The following PKHD1 variants were observed in gnomAD, a reference collection of about 807,000 sequenced individuals.
PKHD1 encodes the protein PKHD1 ciliary IPT domain containing fibrocystin/polyductin.
PKHD1 carries 291 observed loss-of-function variants against 412.0 expected under a neutral mutation model. That is an observed-to-expected ratio of 0.71 (90% CI 0.64 to 0.78). PKHD1 has a LOEUF of 0.78. PKHD1 is among the 30% of genes least tolerant of loss of function. PKHD1 has a pLI of 0.00. For synonymous variants in PKHD1, 1,777 were observed against 1,821.5 expected, an observed-to-expected ratio of 0.98 and a Z score of 0.62; for missense variants, 4,825 against 4,950.7, an observed-to-expected ratio of 0.97 and a Z score of 0.76.
chr6:51,696,268 T>C (rs1393362532), intron 60 of PKHD1, among the ~76,000 whole-genome samples: 8 of 152,280 alleles, frequency 5.3e-5, no homozygotes, highest in African/African-American at 9.6e-5. Flanking sequence ...TTGGAAGTGA[T>C]GGGCAGACAC....
chr6:51,941,497 C>T (rs1315536962), intron 36 of PKHD1, among the ~76,000 whole-genome samples: 2 of 150,656 alleles, frequency 1.3e-5, no homozygotes, highest in African/African-American at 2.4e-5. Context: ...CCTCATGATC[C>T]ACCCGCCTCG....
chr6:51,658,984 T>G lies in PKHD1; in HGVS notation c.11142A>C (p.Leu3714=). The part of the protein sequence containing the change: ...NVLNMTIGAL[L]VTQSKGVIGY... ...CAATGACTCCCTTTGACTGAGTAAC[T>G]AGTAAGGCCCCGATAGTCATATTCA... The change falls in exon 61 of 67, where the codon CTA becomes CTC. Residue 3714 remains leucine, a synonymous_variant. Transcript: ENST00000371117. 6.2e-7 allele frequency: 1 copy of G among 1,612,864 alleles called. No individual in the cohort carries two copies. The highest frequency in any genetic ancestry group is 1.3e-5 in the African/African-American group (1 of 75,002).
chr6:51,794,449 A>G (rs1405602867), intron 52 of PKHD1, among the ~76,000 whole-genome samples: 1 of 152,152 alleles, frequency 6.6e-6, no homozygotes, highest in Non-Finnish European at 1.5e-5. Context: ...ATAGATTGCA[A>G]AATTTTTCTC....
chr6:51,916,444 A>G (rs1242233994), intron 37 of PKHD1, among the ~76,000 whole-genome samples: 1 of 152,132 alleles, frequency 6.6e-6, no homozygotes, highest in Non-Finnish European at 1.5e-5. Flanking sequence ...TGATTCTTCA[A>G]GGACAAGATT....
intron 33 of PKHD1, among the ~76,000 whole-genome samples, chr6:52,020,125 T>C (rs1299016092): frequency 6.6e-6 from 1 of 152,080 alleles, no homozygotes; most frequent in African/African-American, 2.4e-5. Context: ...CAAAGCGACC[T>C]TGGTAAATGA....
At chr6:52,079,368 T>C (rs925453268) in intron 5 of PKHD1, among the ~76,000 whole-genome samples, 7 of 152,114 alleles carry the variant, frequency 4.6e-5, no homozygotes, top group African/African-American at 1.7e-4. Flanking sequence ...TTAGCAGAAA[T>C]ATACCAGGAA....
At position 52,022,805 on chromosome 6, in the gene PKHD1, CA is replaced by C. The variant is rs1266902064; in HGVS notation, c.5375del (p.Leu1792ArgfsTer11). ...GTGTGTGGCATCTTTACTCACCATC[CA>C]GGGGCAGAACCAAGCAGCTGAAGGC... ...VSAFSCLVLP[L>X]DVSLAFLCGL... On this transcript the variant is annotated frameshift_variant, in exon 33 of 67. Coordinates refer to ENST00000371117, the MANE Select transcript of PKHD1 (RefSeq NM_138694.4). LOFTEE classifies it high-confidence loss of function. 1.9e-6 allele frequency: 3 copies of C among 1,613,926 alleles called. No individual in the cohort carries two copies. The highest frequency in any genetic ancestry group is 2.5e-6 in the Non-Finnish European group (3 of 1,179,952).
At chr6:51,887,344 A>T in intron 43 of PKHD1, 99 bp from the exon 44 acceptor site, 1 of 778,470 alleles carries the variant, frequency 1.3e-6, no homozygotes, top group Admixed American at 1.9e-5. Flanking sequence ...TTTTATATTC[A>T]CTTTCTGCCA....
intron 2 of PKHD1, 128 bp downstream of exon 2, chr6:52,084,748 TTTTTTG>T: frequency 1.3e-6 from 1 of 743,816 alleles, no homozygotes; most frequent in Non-Finnish European, 2.5e-6. Context: ...TTTAACTCAA[TTTTTTG>T]ATTGGCAAGT....
chr6:51,771,208 AC>A (rs1363098227), intron 55 of PKHD1, among the ~76,000 whole-genome samples: 1 of 151,516 alleles, frequency 6.6e-6, no homozygotes, highest in African/African-American at 2.4e-5. Context: ...ATACACACAC[AC>A]ACACACACAC....
At chr6:52,013,979 C>T (rs1470385626) in intron 34 of PKHD1, among the ~76,000 whole-genome samples, 5 of 152,238 alleles carry the variant, frequency 3.3e-5, no homozygotes, top group African/African-American at 1.2e-4. Flanking sequence ...TTGCACTAAG[C>T]ACACTGCATC....
intron 33 of PKHD1, among the ~76,000 whole-genome samples, chr6:52,020,544 A>G (rs1801242070): frequency 6.6e-6 from 1 of 152,220 alleles, no homozygotes; most frequent in Non-Finnish European, 1.5e-5. Context: ...CACATTTCTA[A>G]CAAGCTCCCG....
At chr6:51,941,108 C>T (rs1345813265) in intron 36 of PKHD1, among the ~76,000 whole-genome samples, 1 of 151,230 alleles carries the variant, frequency 6.6e-6, no homozygotes, top group Non-Finnish European at 1.5e-5. Flanking sequence ...TCCTTGGCGA[C>T]TGATCATGCA....
intron 60 of PKHD1, among the ~76,000 whole-genome samples, chr6:51,702,353 TCTCA>T: frequency 6.6e-6 from 1 of 151,612 alleles, no homozygotes; most frequent in Middle Eastern, 3.4e-3. Flanking sequence ...CATTGTATGA[TCTCA>T]CTCATAAGTG....
intron 64 of PKHD1, among the ~76,000 whole-genome samples, chr6:51,637,019 A>G (rs1768666312): frequency 6.6e-6 from 1 of 152,230 alleles, no homozygotes; most frequent in South Asian, 2.1e-4. Flanking sequence ...TAGAAACTAC[A>G]ATAAAGCAGT....
At chr6:51,972,108 A>G (rs1793759234) in intron 35 of PKHD1, among the ~76,000 whole-genome samples, 1 of 152,126 alleles carries the variant, frequency 6.6e-6, no homozygotes, top group Non-Finnish European at 1.5e-5. Flanking sequence ...TTGGTATTAA[A>G]AATTCTACTC....
rs532474770 is a variant in PKHD1 at position 52,086,892 on chromosome 6, T to G, written c.-85+542A>C. On this transcript the variant is annotated intron_variant, in intron 1 of 66. Coordinates refer to ENST00000371117, the MANE Select transcript of PKHD1 (RefSeq NM_138694.4). ...AAAGTACCCAAGCGTATTTGCTGCT[T>G]AGTCCAAAAGCATGAGATCTGACTT... is the stretch of plus-strand genomic sequence containing the variant. Among the ~76,000 whole-genome samples, 32 of 152,330 alleles carry G rather than the reference T, an allele frequency of 2.1e-4. 1 individual carries two copies. The South Asian group carries it at 6.6e-3, about 32-fold the overall frequency.
rs565194779 is a variant in PKHD1 at position 51,932,067 on chromosome 6, A to C, written c.6121+2043T>G. Reference sequence around the variant, plus strand: ...AGAGGAGGTCTCATTCTCAATATCCAGTAACATCAGATGGCTGAAGTAGCA... The same window carrying C: ...AGAGGAGGTCTCATTCTCAATATCCCGTAACATCAGATGGCTGAAGTAGCA... On this transcript the variant is annotated intron_variant, in intron 37 of 66. Coordinates refer to ENST00000371117, the MANE Select transcript of PKHD1 (RefSeq NM_138694.4). Among the ~76,000 whole-genome samples, 3 of 152,294 alleles carry C rather than the reference A, an allele frequency of 2.0e-5. No homozygotes were observed. The South Asian group carries it at 6.2e-4, about 32-fold the overall frequency.
chr6:51,631,958 G>A (rs1273526495), intron 65 of PKHD1, among the ~76,000 whole-genome samples: 2 of 70,778 alleles, frequency 2.8e-5, no homozygotes, highest in African/African-American at 1.1e-4. Context: ...TTTTTTTATT[G>A]TGACAGAATT....
Sources: allele counts gnomAD v4.1 joint callset (sites outside exome capture counted in the v4.1 genomes callset), GRCh38; gene constraint gnomAD v4.1.1; transcripts MANE v1.5; gene names NCBI Gene and HGNC (gene_info 2026-07-23, HGNC 2026-07-21).